RTF1: variants seen among roughly 807,000 people sequenced by gnomAD.
RTF1 encodes the protein RNA polymerase-associated protein RTF1 homolog.
A neutral mutation model predicts 95.7 loss-of-function variants in RTF1; 10 were observed. The ratio of observed to expected loss-of-function variants is 0.10; its 90% CI spans 0.06 to 0.18. RTF1 has a LOEUF of 0.18. Ranked by LOEUF, RTF1 falls within the 10% of genes least tolerant of loss-of-function variation. The pLI, the probability that RTF1 is intolerant of heterozygous loss-of-function variation, is 1.00. For missense variants in RTF1, 458 were observed against 875.6 expected, an observed-to-expected ratio of 0.52 and a Z score of 6.02; for synonymous variants, 305 against 311.8, an observed-to-expected ratio of 0.98 and a Z score of 0.23.
chr15:41,420,181 T>C (rs1424676967), intron 1 of RTF1, among the ~76,000 whole-genome samples: 1 of 152,286 alleles, frequency 6.6e-6, no homozygotes, highest in East Asian at 1.9e-4. Flanking sequence ...TAACATAAAA[T>C]GTGTAATACC....
At chr15:41,476,390 T>C in intron 11 of RTF1, 56 bp from the exon 12 acceptor site, 4 of 1,483,358 alleles carry the variant, frequency 2.7e-6, no homozygotes, top group Non-Finnish European at 3.8e-6. Flanking sequence ...TCACTTAGCC[T>C]GTCTACAAAA....
At chr15:41,478,433 G>A in intron 14 of RTF1, 115 bp from the exon 15 acceptor site, 2 of 790,240 alleles carry the variant, frequency 2.5e-6, no homozygotes, top group South Asian at 1.7e-5. Context: ...AAAGGAAAAG[G>A]ATAATAGCTT....
chr15:41,427,884 T>G (rs1034582229), intron 1 of RTF1, among the ~76,000 whole-genome samples: 6 of 151,914 alleles, frequency 3.9e-5, no homozygotes, highest in Non-Finnish European at 8.8e-5. Context: ...CCTCCCGGGT[T>G]CAAGTGATTC....
chr15:41,463,420 C>T (rs984992860), intron 4 of RTF1, among the ~76,000 whole-genome samples: 4 of 152,158 alleles, frequency 2.6e-5, no homozygotes, highest in African/African-American at 4.8e-5. Context: ...GATTTCCCAT[C>T]GGCAATAAGT....
intron 1 of RTF1, among the ~76,000 whole-genome samples, chr15:41,425,268 A>AT (rs932624988): frequency 3.4e-4 from 51 of 149,022 alleles, no homozygotes; most frequent in Middle Eastern, 3.4e-3. Flanking sequence ...TGTCCGGCTA[A>AT]TTTTTTTTTT....
chr15:41,479,265 T>C (rs2140658619), intron 16 of RTF1, 67 bp downstream of exon 16: 1 of 1,120,670 alleles, frequency 8.9e-7, no homozygotes, highest in East Asian at 2.4e-5. Flanking sequence ...ACAAGTACCT[T>C]GTCTAGTTTG....
At chr15:41,421,352 A>G (rs1202807051) in intron 1 of RTF1, among the ~76,000 whole-genome samples, 1 of 152,088 alleles carries the variant, frequency 6.6e-6, no homozygotes, top group Non-Finnish European at 1.5e-5. Flanking sequence ...GTTACTCAGA[A>G]GGCTGAGGCA....
chr15:41,432,805 G>A (rs2050681948), intron 1 of RTF1, among the ~76,000 whole-genome samples: 1 of 152,040 alleles, frequency 6.6e-6, no homozygotes, highest in Admixed American at 6.6e-5. Context: ...CAGGTGTTGT[G>A]GTGCACACCT....
At chr15:41,418,001 G>A (rs1328722638) in intron 1 of RTF1, among the ~76,000 whole-genome samples, 2 of 152,182 alleles carry the variant, frequency 1.3e-5, no homozygotes, top group Admixed American at 1.3e-4. Flanking sequence ...GGGCGACATG[G>A]AGGGACTGTG....
intron 2 of RTF1, among the ~76,000 whole-genome samples, chr15:41,449,392 G>A (rs1220967124): frequency 2.6e-5 from 4 of 152,030 alleles, no homozygotes; most frequent in East Asian, 1.9e-4. Flanking sequence ...CACCATGCCC[G>A]GCTAATTTTT....
At chr15:41,473,614 A>G (rs1401065688) in intron 8 of RTF1, among the ~76,000 whole-genome samples, 1 of 152,130 alleles carries the variant, frequency 6.6e-6, no homozygotes, top group Non-Finnish European at 1.5e-5. Flanking sequence ...CCAGGCTAGC[A>G]TGCAGCGGTG....
chr15:41,467,633 T>C (rs2050887070), intron 6 of RTF1, among the ~76,000 whole-genome samples: 1 of 151,998 alleles, frequency 6.6e-6, no homozygotes. Context: ...GAGAATCCCT[T>C]GAACCCGGGA....
chr15:41,450,603 T>G (rs1463494209), intron 2 of RTF1, among the ~76,000 whole-genome samples: 1 of 150,020 alleles, frequency 6.7e-6, no homozygotes, highest in East Asian at 2.0e-4. Context: ...AAAAAAAAAT[T>G]ATCTTCCTTG....
rs532887403 is a variant in RTF1 at position 41,483,545 on chromosome 15, T to C, written c.*2858T>C. 4.6e-5 allele frequency: 7 copies of C among 152,732 alleles called. No homozygotes were observed. The highest frequency in any genetic ancestry group is 1.4e-4 in the African/African-American group (6 of 41,598). 9.5% of individuals were successfully genotyped at this position (152,732 alleles called of 1,614,324 possible). Reference sequence around the variant, plus strand: ...GTACCAATATTGTAAATAAATGTTATGCCATTTTAACAAAGGGATCAGATT... The same window carrying C: ...GTACCAATATTGTAAATAAATGTTACGCCATTTTAACAAAGGGATCAGATT... On this transcript the variant is annotated 3_prime_UTR_variant, in exon 18 of 18. Coordinates refer to ENST00000389629, the MANE Select transcript of RTF1 (RefSeq NM_015138.5).
intron 8 of RTF1, among the ~76,000 whole-genome samples, chr15:41,472,135 G>T (rs1002627622): frequency 6.6e-6 from 1 of 151,944 alleles, no homozygotes; most frequent in African/African-American, 2.4e-5. Context: ...TTGACCTTGT[G>T]ATCCACCTGC....
At chr15:41,449,665 A>G (rs1003261251) in intron 2 of RTF1, among the ~76,000 whole-genome samples, 2 of 151,086 alleles carry the variant, frequency 1.3e-5, no homozygotes, top group Non-Finnish European at 3.0e-5. Context: ...TTTTTCCCCA[A>G]CTTTACAAAT....
chr15:41,445,099 AT>A (rs567397431), intron 2 of RTF1, among the ~76,000 whole-genome samples: 8 of 150,488 alleles, frequency 5.3e-5, no homozygotes, highest in African/African-American at 1.5e-4. Flanking sequence ...TGCCCAGCTA[AT>A]TTTTTTTTGT....
At chr15:41,448,289 G>A (rs2050773015) in intron 2 of RTF1, among the ~76,000 whole-genome samples, 1 of 152,080 alleles carries the variant, frequency 6.6e-6, no homozygotes, top group Non-Finnish European at 1.5e-5. Context: ...GAATAATACT[G>A]AGACTGGCTT....
At chr15:41,456,323 A>T (rs934827321) in intron 3 of RTF1, among the ~76,000 whole-genome samples, 18 of 143,156 alleles carry the variant, frequency 1.3e-4, no homozygotes, top group Admixed American at 1.2e-3. Context: ...CATCTCTATT[A>T]AAAAAATACA....
Sources: gnomAD v4.1 joint callset for allele counts (sites outside exome capture counted in the v4.1 genomes callset) on GRCh38, gnomAD v4.1.1 for gene constraint, MANE v1.5 for transcripts, NCBI Gene and HGNC (gene_info 2026-07-23, HGNC 2026-07-21) for gene names.